The following KIF24 variants were observed in gnomAD, a reference collection of about 807,000 sequenced individuals.
KIF24 encodes the protein kinesin family member 24, also known as kinesin-like protein KIF24.
KIF24 carries 81 observed loss-of-function variants against 118.9 expected under a neutral mutation model. The ratio of observed to expected loss-of-function variants is 0.68; its 90% CI spans 0.57 to 0.82. The LOEUF is 0.82. Among genes scored for constraint, KIF24 ranks in the 40% least tolerant of loss-of-function variants. The probability of loss-of-function intolerance (pLI) is 0.00; values close to 1 mark genes in which losing one functional copy is unlikely to be tolerated. For synonymous variants in KIF24, 599 were observed against 610.0 expected (o/e 0.98, Z 0.27); for missense variants, 1,560 against 1,661.6 (o/e 0.94, Z 1.06).
In KIF24 at chr9:34,257,769, C is replaced by G; in HGVS notation, c.1838G>C (p.Ser613Thr). ...STRGKVHPLT[S>T]HPPNIPFTSA... Reference sequence around the variant, plus strand: ...AGTAAAAGGAATGTTGGGTGGGTGGCTGGTCAGAGGATGGACCTTCCCTCT... The same window carrying G: ...AGTAAAAGGAATGTTGGGTGGGTGGGTGGTCAGAGGATGGACCTTCCCTCT... Residue 613 changes from serine (S) to threonine (T), a missense_variant, in exon 11 of 13, where the codon AGC becomes ACC. Around this residue, in one of 3 missense-constraint regions of KIF24, gnomAD observed 964 missense variants for 988.0 expected, o/e 0.98. Coordinates refer to ENST00000402558, the MANE Select transcript of KIF24 (RefSeq NM_194313.4). The G allele has an allele frequency of 6.2e-7, 1 of 1,613,998 alleles. No individual in the cohort carries two copies. The highest frequency in any genetic ancestry group is 1.1e-5 in the South Asian group (1 of 91,086).
intron 3 of KIF24, among the ~76,000 whole-genome samples, chr9:34,300,964 T>C (rs867920235): frequency 9.2e-5 from 14 of 152,100 alleles, no homozygotes; most frequent in African/African-American, 3.1e-4. Context: ...CTTCTAAAAG[T>C]GCTCATGGAT....
At chr9:34,287,590 T>C (rs538213459) in intron 5 of KIF24, among the ~76,000 whole-genome samples, 30 of 152,340 alleles carry the variant, frequency 2.0e-4, no homozygotes, top group African/African-American at 7.2e-4. Context: ...AATACAAGAA[T>C]GATTTTCTCA....
chr9:34,275,526 C>A (rs2131715106), intron 6 of KIF24, among the ~76,000 whole-genome samples: 1 of 151,938 alleles, frequency 6.6e-6, no homozygotes, highest in East Asian at 1.9e-4. Flanking sequence ...CAAAGCAAGA[C>A]CTCATCTCTA....
At chr9:34,314,497 T>G (rs941213183) in intron 1 of KIF24, among the ~76,000 whole-genome samples, 1 of 152,040 alleles carries the variant, frequency 6.6e-6, no homozygotes, top group Admixed American at 6.6e-5. Flanking sequence ...TATAGATACC[T>G]GAGCCCCATC....
chr9:34,310,473 C>T (rs1837095484), intron 2 of KIF24, among the ~76,000 whole-genome samples: 1 of 152,064 alleles, frequency 6.6e-6, no homozygotes, highest in South Asian at 2.1e-4. Context: ...TGCTACAGAT[C>T]CTGGCAAGTA....
chr9:34,295,803 G>A (rs1836447372), intron 4 of KIF24, among the ~76,000 whole-genome samples: 1 of 152,096 alleles, frequency 6.6e-6, no homozygotes, highest in African/African-American at 2.4e-5. Flanking sequence ...CTCCCAAAGT[G>A]CTTGGATTAC....
In KIF24 at chr9:34,298,554, AAAAAG is replaced by A. The variant is rs894274276; in HGVS notation, c.814-1445_814-1441del. On this transcript the variant is annotated intron_variant, in intron 3 of 12. Coordinates refer to ENST00000402558, the MANE Select transcript of KIF24 (RefSeq NM_194313.4). ...AGCAAAACTCCATCTCAAAAAAAAA[AAAAAG>A]AGACAGAATACTAGAATAATGAGTT... is the stretch of plus-strand genomic sequence containing the variant. Among the ~76,000 whole-genome samples, 9 of 152,206 alleles carry A rather than the reference AAAAAG, an allele frequency of 5.9e-5. No homozygotes were observed. The East Asian group carries it at 1.2e-3, about 20-fold the overall frequency.
chr9:34,324,114 T>C (rs896281437), intron 1 of KIF24, among the ~76,000 whole-genome samples: 3 of 152,190 alleles, frequency 2.0e-5, no homozygotes, highest in Non-Finnish European at 4.4e-5. Flanking sequence ...CTGGACGTTG[T>C]GCAATATTAT....
chr9:34,304,998 G>T (rs1836857857), intron 3 of KIF24, among the ~76,000 whole-genome samples: 1 of 152,150 alleles, frequency 6.6e-6, no homozygotes, highest in African/African-American at 2.4e-5. Flanking sequence ...TTCAGAGTAA[G>T]AGAAACTGTG....
At chr9:34,332,103 A>G (rs1433848669), upstream of KIF24, among the ~76,000 whole-genome samples, 1 of 152,216 alleles carries the variant, frequency 6.6e-6, no homozygotes, top group African/African-American at 2.4e-5. Flanking sequence ...GCTTGCTTGC[A>G]GCTAGAATAT....
intron 1 of KIF24, among the ~76,000 whole-genome samples, chr9:34,321,603 C>CTTTT (rs1213493493): frequency 2.0e-5 from 2 of 99,224 alleles, no homozygotes; most frequent in Admixed American, 1.4e-4. Context: ...CATACTTCTT[C>CTTTT]TTTTTTTTTT....
At chr9:34,293,058 T>C (rs533734548) in intron 4 of KIF24, among the ~76,000 whole-genome samples, 4 of 152,318 alleles carry the variant, frequency 2.6e-5, no homozygotes, top group Non-Finnish European at 5.9e-5. Flanking sequence ...GTGCCCTTAC[T>C]AAGAAATTGA....
rs147274462 is a variant in KIF24, at chr9:34,322,845, G to C, written c.-26+6261C>G. On this transcript the variant is annotated intron_variant, in intron 1 of 12. Coordinates refer to ENST00000402558, the MANE Select transcript of KIF24 (RefSeq NM_194313.4). Reference sequence around the variant, plus strand: ...CACTCCAGCCTGGGCAACAGAGTGAGACTCCGTCTCCAAAAAACAAATTAA... The same window carrying C: ...CACTCCAGCCTGGGCAACAGAGTGACACTCCGTCTCCAAAAAACAAATTAA... Among the ~76,000 whole-genome samples, 469 of 152,266 alleles carry C rather than the reference G, an allele frequency of 3.1e-3. 3 individuals are homozygous for C. The highest frequency in any genetic ancestry group is 0.01 in the African/African-American group (434 of 41,540).
chr9:34,312,209 C>T (rs1255231969), intron 1 of KIF24, among the ~76,000 whole-genome samples: 1 of 152,166 alleles, frequency 6.6e-6, no homozygotes, highest in Non-Finnish European at 1.5e-5. Flanking sequence ...GGTCATCGAT[C>T]TCTACCTGTA....
rs200639241 is a variant in KIF24 at position 34,257,642 on chromosome 9, T to C, written c.1965A>G (p.Gly655=). 2 of 1,613,930 alleles carry C rather than the reference T, an allele frequency of 1.2e-6. No individual in the cohort carries two copies. The highest frequency in any genetic ancestry group is 2.7e-5 in the African/African-American group (2 of 74,944). Residue 655 remains glycine (G), a synonymous_variant, in exon 11 of 13, where the codon GGA becomes GGG. Transcript: ENST00000402558. ...ASPVKGTVRS[G]HVAKKKPEES... is the part of the protein sequence containing the mutation. ...CTTCTGGCTTTTTTTTGGCCACATGTCCAGAGCGCACAGTTCCTTTCACAG... is the reference window on the plus strand; with the variant it reads ...CTTCTGGCTTTTTTTTGGCCACATGCCCAGAGCGCACAGTTCCTTTCACAG...
chr9:34,272,037 G>T, intron 6 of KIF24, 107 bp from the exon 7 acceptor site: 2 of 990,244 alleles, frequency 2.0e-6, no homozygotes, highest in Non-Finnish European at 1.4e-6. Context: ...TTGTGTCAGT[G>T]CACTGCAGTT....
intron 1 of KIF24, among the ~76,000 whole-genome samples, chr9:34,322,609 T>C (rs1837559060): frequency 1.3e-5 from 2 of 152,060 alleles, no homozygotes; most frequent in African/African-American, 2.4e-5. Flanking sequence ...ATCACAGCAC[T>C]TGGGGAGGCC....
intron 1 of KIF24, among the ~76,000 whole-genome samples, chr9:34,314,487 T>G (rs941448556): frequency 6.6e-5 from 10 of 152,072 alleles, no homozygotes; most frequent in Non-Finnish European, 1.5e-5. Context: ...CTTTAAAATA[T>G]ATAGATACCT....
At chr9:34,287,091 T>C (rs1054155082) in intron 5 of KIF24, among the ~76,000 whole-genome samples, 2 of 152,218 alleles carry the variant, frequency 1.3e-5, no homozygotes, top group Non-Finnish European at 2.9e-5. Context: ...TCTCTGTCCC[T>C]GGATGTGAAA....
Sources: gnomAD v4.1 joint callset for allele counts (sites outside exome capture counted in the v4.1 genomes callset) on GRCh38, gnomAD v4.1.1 for gene constraint, gnomAD v4.1.1 regional missense constraint, MANE v1.5 for transcripts, NCBI Gene and HGNC (gene_info 2026-07-23, HGNC 2026-07-21) for gene names.